Variants in RMDN2 observed in about 807,000 individuals in gnomAD.
The protein encoded by RMDN2 is regulator of microtubule dynamics protein 2.
Under a neutral mutation model 52.8 loss-of-function variants are expected in RMDN2, and 61 were observed. That is an observed-to-expected ratio of 1.16 (90% CI 0.94 to 1.43). RMDN2 has a LOEUF of 1.43. Ranked by LOEUF, RMDN2 falls within the 40% of genes most tolerant of loss-of-function variation. The probability of loss-of-function intolerance (pLI) is 0.00; values close to 1 mark genes in which losing one functional copy is unlikely to be tolerated. For synonymous variants in RMDN2, 180 were observed against 153.1 expected (o/e 1.18, Z -1.30); for missense variants, 592 against 475.3 (o/e 1.25, Z -2.28).
At position 37,937,787 on chromosome 2, in the gene RMDN2, G is replaced by A. The variant is rs182040189; in HGVS notation, c.452+8058G>A. On this transcript the variant is annotated intron_variant, in intron 2 of 10. Coordinates refer to ENST00000354545, the MANE Select transcript of RMDN2 (RefSeq NM_001170791.3). ...TTGCTTATCAGCTTAAGGAGATTTG[G>A]GGCTGAGACGATGAGGTTTTCTAAA... 1.1e-4 allele frequency among the ~76,000 whole-genome samples: 16 copies of A among 152,222 alleles called. No homozygotes were observed. The East Asian group carries it at 3.1e-3, about 29-fold the overall frequency.
In RMDN2 at chr2:38,062,631, T is replaced by G. The variant is rs564443107; in HGVS notation, c.1714-4351T>G. ...GCATTTTTTTTTAATTTTATTATTA[T>G]TATACTTTAAGTTTTAGGGTACATG... On this transcript the variant is annotated intron_variant, in intron 10 of 10. Transcript: ENST00000234195. Among the ~76,000 whole-genome samples the G allele has an allele frequency of 2.9e-4, 44 of 152,232 alleles. 1 individual carries two copies. The South Asian group carries it at 8.3e-3, about 29-fold the overall frequency.
At chr2:37,923,392 C>T (rs942718552), upstream of RMDN2, 4 of 152,168 alleles carry the variant, frequency 2.6e-5, no homozygotes, top group Non-Finnish European at 5.9e-5. Flanking sequence ...ACAGCCCATA[C>T]GTCACATTTT....
At chr2:37,931,362 T>A (rs1487629912) in intron 2 of RMDN2, among the ~76,000 whole-genome samples, 2 of 152,222 alleles carry the variant, frequency 1.3e-5, no homozygotes, top group East Asian at 3.8e-4. Flanking sequence ...CATTGAGAGT[T>A]ATCGAAGACA....
chr2:38,058,304 A>G (rs1681917684), intron 10 of RMDN2, among the ~76,000 whole-genome samples: 1 of 152,174 alleles, frequency 6.6e-6, no homozygotes, highest in Admixed American at 6.5e-5. Flanking sequence ...ATAGCATTCA[A>G]TCTCTCATCA....
chr2:37,978,817 G>T (rs930456050), intron 4 of RMDN2, among the ~76,000 whole-genome samples: 1 of 68,638 alleles, frequency 1.5e-5, no homozygotes. Context: ...GATAGATAGA[G>T]AACAGGCTGT....
chr2:37,961,183 G>C (rs370603839), intron 2 of RMDN2, among the ~76,000 whole-genome samples: 2 of 151,982 alleles, frequency 1.3e-5, no homozygotes, highest in East Asian at 3.9e-4. Flanking sequence ...TGCTCTTCTC[G>C]AGGAGTATCT....
intron 5 of RMDN2, among the ~76,000 whole-genome samples, chr2:37,988,848 T>C (rs1381277098): frequency 1.3e-5 from 2 of 152,182 alleles, no homozygotes; most frequent in Non-Finnish European, 2.9e-5. Context: ...TGAACAAATA[T>C]TGCATGCAAC....
intron 2 of RMDN2, among the ~76,000 whole-genome samples, chr2:37,971,607 G>C (rs1282672173): frequency 6.6e-6 from 1 of 152,024 alleles, no homozygotes; most frequent in Non-Finnish European, 1.5e-5. Flanking sequence ...TTTCCCATCT[G>C]AATGCCTGAA....
chr2:37,995,364 T>TACTACTAC (rs1237053304), intron 7 of RMDN2, among the ~76,000 whole-genome samples: 2 of 146,534 alleles, frequency 1.4e-5, no homozygotes, highest in South Asian at 2.1e-4. Flanking sequence ...CTACTACTAC[T>TACTACTAC]ACACACACAC....
intron 10 of RMDN2, among the ~76,000 whole-genome samples, chr2:38,024,353 C>G (rs1488739233): frequency 6.6e-6 from 1 of 152,126 alleles, no homozygotes; most frequent in African/African-American, 2.4e-5. Flanking sequence ...AAAAAACGGT[C>G]AAACTGTTTT....
chr2:38,048,045 A>G (rs1328101523), intron 10 of RMDN2, among the ~76,000 whole-genome samples: 2 of 152,232 alleles, frequency 1.3e-5, no homozygotes, highest in Non-Finnish European at 2.9e-5. Context: ...CCTGAGATGT[A>G]ACACAACTTC....
intron 10 of RMDN2, among the ~76,000 whole-genome samples, chr2:38,011,553 C>T (rs751098267): frequency 5.3e-4 from 81 of 152,208 alleles, no homozygotes; most frequent in Middle Eastern, 3.4e-3. Flanking sequence ...GAACTATAAA[C>T]AAATAAGACA....
downstream of RMDN2, among the ~76,000 whole-genome samples, chr2:38,022,369 C>G (rs868137111): frequency 6.6e-6 from 1 of 152,202 alleles, no homozygotes; most frequent in Middle Eastern, 3.2e-3. Flanking sequence ...ACTCACCACT[C>G]ATGGTGCTTG....
At chr2:38,008,592 ATG>A (rs1181182547) in intron 10 of RMDN2, among the ~76,000 whole-genome samples, 2 of 151,986 alleles carry the variant, frequency 1.3e-5, no homozygotes, top group African/African-American at 4.8e-5. Flanking sequence ...TTTTGAGCCT[ATG>A]TGTGTCTCTG....
chr2:38,056,989 G>T (rs1681876194), intron 10 of RMDN2, among the ~76,000 whole-genome samples: 1 of 152,074 alleles, frequency 6.6e-6, no homozygotes, highest in Non-Finnish European at 1.5e-5. Context: ...CCTTATTTGG[G>T]GTCTTAGCTT....
intron 10 of RMDN2, among the ~76,000 whole-genome samples, chr2:38,010,486 C>A (rs1018161745): frequency 6.6e-6 from 1 of 152,190 alleles, no homozygotes; most frequent in Non-Finnish European, 1.5e-5. Context: ...GAGCAAGGCT[C>A]CATGGGCATA....
chr2:37,928,379 A>G (rs1185741172), intron 1 of RMDN2, among the ~76,000 whole-genome samples: 1 of 152,240 alleles, frequency 6.6e-6, no homozygotes, highest in African/African-American at 2.4e-5. Context: ...TTAGTTGGCC[A>G]TTTGAAGTGT....
chr2:38,024,751 T>G (rs1162805009), intron 10 of RMDN2, among the ~76,000 whole-genome samples: 1 of 152,208 alleles, frequency 6.6e-6, no homozygotes, highest in Non-Finnish European at 1.5e-5. Flanking sequence ...CTCTATAACA[T>G]ATCTAATGAA....
intron 10 of RMDN2, among the ~76,000 whole-genome samples, chr2:38,013,958 G>A (rs1678367404): frequency 1.3e-5 from 2 of 152,152 alleles, no homozygotes; most frequent in Admixed American, 1.3e-4. Context: ...TGTAATCCCA[G>A]CACTTTGGGC....
Sources: allele counts gnomAD v4.1 joint callset (sites outside exome capture counted in the v4.1 genomes callset), GRCh38; gene constraint gnomAD v4.1.1; transcripts MANE v1.5; gene names NCBI Gene and HGNC (gene_info 2026-07-23, HGNC 2026-07-21).